IL6ST: variants seen among roughly 807,000 people sequenced by gnomAD.
IL6ST encodes interleukin 6 cytokine family signal transducer.
A neutral mutation model predicts 91.3 loss-of-function variants in IL6ST; 24 were observed. The ratio of observed to expected loss-of-function variants is 0.26; its 90% CI spans 0.19 to 0.37. The LOEUF is 0.37. Ranked by LOEUF, IL6ST falls within the 10% of genes least tolerant of loss-of-function variation. The pLI is 1.00. For synonymous variants in IL6ST, 351 were observed against 373.6 expected, an observed-to-expected ratio of 0.94 and a Z score of 0.70; for missense variants, 914 against 1,078.5, an observed-to-expected ratio of 0.85 and a Z score of 2.14.
At position 55,959,784 on chromosome 5, in the gene IL6ST, T is replaced by C. The variant is rs1752198112; in HGVS notation, c.973+618A>G. 7.5e-6 allele frequency: 3 copies of C among 399,174 alleles called. No individual in the cohort carries two copies. In the Admixed American group the frequency reaches 1.0e-4, roughly 13 times the overall value. The allele number at this position is 399,174 out of a possible 1,614,324, so 24.7% of individuals were successfully genotyped here. A position where few individuals can be genotyped will look rare whatever the true frequency, so the allele number is the denominator to read the frequency against. ...TTTAATGATTCAGGATATGATTCTCTAGTTAGGAGTATCTCTGGACAAGTC... is the reference window on the plus strand; with the variant it reads ...TTTAATGATTCAGGATATGATTCTCCAGTTAGGAGTATCTCTGGACAAGTC... On this transcript the variant is annotated intron_variant, in intron 8 of 16. Coordinates refer to ENST00000381298, the MANE Select transcript of IL6ST (RefSeq NM_002184.4).
At chr5:55,981,512 G>A (rs555264004) in intron 2 of IL6ST, among the ~76,000 whole-genome samples, 1 of 152,120 alleles carries the variant, frequency 6.6e-6, no homozygotes, top group South Asian at 2.1e-4. Flanking sequence ...GCATGGTGGC[G>A]CACACCTATA....
At position 55,940,447 on chromosome 5, in the gene IL6ST, C is replaced by CAAGT. The variant is rs1008829336; in HGVS notation, c.*631_*634dup. The CAAGT allele has an allele frequency of 3.3e-5, 7 of 209,834 alleles. No individual in the cohort carries two copies. Among genetic ancestry groups the CAAGT allele is most frequent in the Non-Finnish European group, 6.8e-5 (7 of 103,218 alleles). 13.0% of individuals were successfully genotyped at this position (209,834 alleles called of 1,614,324 possible). Reference sequence around the variant, plus strand: ...TAAAAAATGAGTACTTTTAATCTGCCAAGTTAAAGCTCTAGAATTCCTTTT... The same window carrying CAAGT: ...TAAAAAATGAGTACTTTTAATCTGCCAAGTAAGTTAAAGCTCTAGAATTCCTTTT... On this transcript the variant is annotated 3_prime_UTR_variant, in exon 17 of 17. Transcript: ENST00000381298.
At position 55,960,999 on chromosome 5, in the gene IL6ST, C is replaced by T. The variant is rs560021815; in HGVS notation, c.814-438G>A. 7.9e-5 allele frequency among the ~76,000 whole-genome samples: 12 copies of T among 152,076 alleles called. No homozygotes were observed. The East Asian group carries it at 1.5e-3, about 20-fold the overall frequency. ...AGGCTGGAGCTCAATGGTGCAATGGCGCGATCTCAGCTCACTGCAACCTCC... is the reference window on the plus strand; with the variant it reads ...AGGCTGGAGCTCAATGGTGCAATGGTGCGATCTCAGCTCACTGCAACCTCC... On this transcript the variant is annotated intron_variant, in intron 7 of 16. Coordinates refer to ENST00000381298, the MANE Select transcript of IL6ST (RefSeq NM_002184.4).
At chr5:55,969,930 T>G in intron 3 of IL6ST, 75 bp from the exon 4 acceptor site, 1 of 934,502 alleles carries the variant, frequency 1.1e-6, no homozygotes, top group South Asian at 1.6e-5. Flanking sequence ...CTGGTAGCAC[T>G]CAATGTAGAG....
intron 3 of IL6ST, among the ~76,000 whole-genome samples, chr5:55,974,885 TGACCAAG>T (rs1205966923): frequency 6.6e-6 from 1 of 151,868 alleles, no homozygotes; most frequent in Non-Finnish European, 1.5e-5. Flanking sequence ...AGAAAATGAC[TGACCAAG>T]GTCCTACAGC....
At chr5:55,942,504 T>C (rs1426761237) in intron 16 of IL6ST, among the ~76,000 whole-genome samples, 166 bp downstream of exon 16, 2 of 152,204 alleles carry the variant, frequency 1.3e-5, no homozygotes, top group Non-Finnish European at 2.9e-5. Flanking sequence ...TTGATTAAAA[T>C]TTTCAGTTAT....
chr5:55,963,677 AG>A (rs1752470389), intron 6 of IL6ST, among the ~76,000 whole-genome samples, 171 bp from the exon 7 acceptor site: 1 of 152,180 alleles, frequency 6.6e-6, no homozygotes, highest in Admixed American at 6.5e-5. Context: ...GGAAAAAAAA[AG>A]ATTTCTAAAG....
At chr5:55,982,998 TG>T (rs1347500701) in intron 1 of IL6ST, among the ~76,000 whole-genome samples, 187 bp from the exon 2 acceptor site, 1 of 150,378 alleles carries the variant, frequency 6.6e-6, no homozygotes, top group Admixed American at 6.6e-5. Flanking sequence ...AATATTCTAG[TG>T]CTTTTTTTTT....
At chr5:55,969,928 A>T in intron 3 of IL6ST, 73 bp from the exon 4 acceptor site, 1 of 977,752 alleles carries the variant, frequency 1.0e-6, no homozygotes, top group Non-Finnish European at 1.6e-6. Context: ...AGCTGGTAGC[A>T]CTCAATGTAG....
In IL6ST at chr5:55,957,306, T is replaced by C; in HGVS notation, c.974-15A>G. On this transcript the variant is annotated splice_polypyrimidine_tract_variant and intron_variant, in intron 8 of 16. Coordinates refer to ENST00000381298, the MANE Select transcript of IL6ST (RefSeq NM_002184.4). ...TTTAGATGGTCCTAAAGAAAAGACA[T>C]AAACTCCTTAAAATAAAAAGGTTTT... 1.6e-6 allele frequency: 2 copies of C among 1,259,506 alleles called. No homozygotes were observed. The highest frequency in any genetic ancestry group is 1.3e-5 in the South Asian group (1 of 74,570). The allele number at this position is 1,259,506 out of a possible 1,614,324, so 78.0% of individuals were successfully genotyped here.
chr5:55,966,754 G>A (rs754047136), intron 5 of IL6ST, among the ~76,000 whole-genome samples: 3 of 152,144 alleles, frequency 2.0e-5, no homozygotes, highest in Non-Finnish European at 2.9e-5. Context: ...TCTAGGGTAT[G>A]CAAGAGTGTT....
chr5:55,968,108 T>C (rs1752745541), intron 5 of IL6ST, among the ~76,000 whole-genome samples, 168 bp downstream of exon 5: 1 of 152,214 alleles, frequency 6.6e-6, no homozygotes, highest in South Asian at 2.1e-4. Context: ...ATTACAGGCA[T>C]GAGCCACCGC....
rs573222864 is a variant in IL6ST, at chr5:55,951,821, C to T, written c.1699+108G>A. ...CCATAAGGCAAATTCTCAGGTGTCTCCTGAGGCCAATATACTATAAGATGT... is the reference window on the plus strand; with the variant it reads ...CCATAAGGCAAATTCTCAGGTGTCTTCTGAGGCCAATATACTATAAGATGT... On this transcript the variant is annotated intron_variant, in intron 13 of 16. Transcript: ENST00000381298. 208 of 790,120 alleles carry T rather than the reference C, an allele frequency of 2.6e-4. 3 individuals are homozygous for T. In the South Asian group the frequency reaches 3.7e-3, roughly 14 times the overall value. The allele number at this position is 790,120 out of a possible 1,614,324, so 48.9% of individuals were successfully genotyped here. A position where few individuals can be genotyped will look rare whatever the true frequency, so the allele number is the denominator to read the frequency against.
intron 1 of IL6ST, among the ~76,000 whole-genome samples, chr5:55,988,236 T>C (rs1754094618): frequency 6.6e-6 from 1 of 152,056 alleles, no homozygotes; most frequent in Non-Finnish European, 1.5e-5. Flanking sequence ...GACAAGATGC[T>C]TGAAGTCATC....
chr5:55,956,308 C>T, intron 9 of IL6ST, 73 bp from the exon 10 acceptor site: 1 of 813,138 alleles, frequency 1.2e-6, no homozygotes, highest in Admixed American at 2.3e-5. Flanking sequence ...TCTTCATATT[C>T]ACAAATCATG....
intron 1 of IL6ST, among the ~76,000 whole-genome samples, chr5:55,992,249 T>A (rs921552524): frequency 1.3e-5 from 2 of 152,248 alleles, no homozygotes; most frequent in African/African-American, 4.8e-5. Flanking sequence ...TTGAGGCACC[T>A]GGTGGACAAT....
intron 5 of IL6ST, 81 bp downstream of exon 5, chr5:55,968,195 T>C: frequency 1.7e-6 from 2 of 1,156,412 alleles, no homozygotes. Context: ...CATTTAATAT[T>C]ATTACTTGGT....
In IL6ST at chr5:55,935,278, C is replaced by T. The variant is rs1036994949; in HGVS notation, c.*5804G>A. On this transcript the variant is annotated 3_prime_UTR_variant, in exon 17 of 17. Transcript: ENST00000381298. ...AAATAAGAAATGACAATTCTAGATA[C>T]ACTTTTTTGACATGTAAAATGACAT... The T allele has an allele frequency of 5.3e-6, 1 of 188,746 alleles. No individual in the cohort carries two copies. The highest frequency in any genetic ancestry group is 1.1e-5 in the Non-Finnish European group (1 of 89,636). 11.7% of individuals were successfully genotyped at this position (188,746 alleles called of 1,614,324 possible).
At chr5:55,949,026 T>C (rs1386003500) in intron 14 of IL6ST, 1 of 152,168 alleles carries the variant, frequency 6.6e-6, no homozygotes, top group Middle Eastern at 3.2e-3. Flanking sequence ...AAAATAATAC[T>C]AAGTATAATT....
Sources: gnomAD v4.1 joint callset for allele counts (sites outside exome capture counted in the v4.1 genomes callset) on GRCh38, gnomAD v4.1.1 for gene constraint, MANE v1.5 for transcripts, NCBI Gene and HGNC (gene_info 2026-07-23, HGNC 2026-07-21) for gene names.